The following DHCR24 variants were observed in gnomAD, a reference collection of about 807,000 sequenced individuals.
DHCR24 encodes 24-dehydrocholesterol reductase, also known as delta(24)-sterol reductase.
Under a neutral mutation model 61.2 loss-of-function variants are expected in DHCR24, and 28 were observed. The observed-to-expected ratio is 0.46, with a 90% CI of 0.34 to 0.63. The LOEUF (loss-of-function observed/expected upper bound fraction) is 0.63, where lower values mean the gene tolerates loss of function less well. DHCR24 is among the 20% of genes least tolerant of loss of function. The pLI is 0.01. For missense variants in DHCR24, 538 were observed against 679.1 expected, an observed-to-expected ratio of 0.79 and a Z score of 2.31; for synonymous variants, 261 against 275.9, an observed-to-expected ratio of 0.95 and a Z score of 0.54.
chr1:54,877,794 T>C (rs895919748), intron 2 of DHCR24, among the ~76,000 whole-genome samples: 2 of 151,890 alleles, frequency 1.3e-5, no homozygotes, highest in Admixed American at 1.3e-4. Context: ...GTGGATCACC[T>C]GAGGTCAGGA....
chr1:54,849,945 CT>C lies in DHCR24; in HGVS notation c.*2287del, dbSNP rs1284166477. 1 of 152,700 alleles carries C rather than the reference CT, an allele frequency of 6.5e-6. No individual in the cohort carries two copies. The highest frequency in any genetic ancestry group is 2.4e-5 in the African/African-American group (1 of 41,580). The allele number at this position is 152,700 out of a possible 1,614,324, so 9.5% of individuals were successfully genotyped here. On this transcript the variant is annotated 3_prime_UTR_variant, in exon 9 of 9. Coordinates refer to ENST00000371269, the MANE Select transcript of DHCR24 (RefSeq NM_014762.4). ...GGGCTCTGGAGGGGAGAGCCTTACTCTGATACTTTCCACATGCACTGCCCAC... is the reference window on the plus strand; with the variant it reads ...GGGCTCTGGAGGGGAGAGCCTTACTCGATACTTTCCACATGCACTGCCCAC...
At position 54,883,781 on chromosome 1, in the gene DHCR24, C is replaced by A. The variant is rs1647077201; in HGVS notation, c.232-8G>T. ...CTCCTTCCATTCCCGCACCTGCAAC[C>A]ACAGGACAGAGGGTGAGCTGGCCCC... On this transcript the variant is annotated splice_region_variant and splice_polypyrimidine_tract_variant and intron_variant, in intron 1 of 8. Transcript: ENST00000371269. This position sits in a 1 kb window ranked among gnomAD's most constrained non-coding sequence, Gnocchi z 4.3. 1 of 1,613,934 alleles carries A rather than the reference C, an allele frequency of 6.2e-7. No individual in the cohort carries two copies.
In DHCR24 at chr1:54,854,030, C is replaced by G; in HGVS notation, c.1218+7G>C. The G allele has an allele frequency of 6.2e-7, 1 of 1,610,802 alleles. No homozygotes were observed. Among genetic ancestry groups the G allele is most frequent in the Non-Finnish European group, 8.5e-7 (1 of 1,179,006 alleles). On this transcript the variant is annotated splice_region_variant and intron_variant, in intron 7 of 8. Coordinates refer to ENST00000371269, the MANE Select transcript of DHCR24 (RefSeq NM_014762.4). ...CTGGTGCGCCCTCCCTGCCCTGCCC[C>G]ACTCACGTGGATGTCGTTTTGGAAG...
At chr1:54,872,743 C>T (rs149796574) in intron 4 of DHCR24, among the ~76,000 whole-genome samples, 2,353 of 152,254 alleles carry the variant, frequency 0.015, 35 homozygotes, top group Non-Finnish European at 0.022. Flanking sequence ...GGAAAGAATT[C>T]ACAAATGTCA....
chr1:54,854,166 G>A lies in DHCR24; in HGVS notation c.1089C>T (p.Ile363=). 3 of 1,614,148 alleles carry A rather than the reference G, an allele frequency of 1.9e-6. No homozygotes were observed. The highest frequency in any genetic ancestry group is 2.5e-6 in the Non-Finnish European group (3 of 1,179,994). The change falls in exon 7 of 9, where the codon ATC becomes ATT. Residue 363 remains isoleucine, a synonymous_variant. Coordinates refer to ENST00000371269, the MANE Select transcript of DHCR24 (RefSeq NM_014762.4). The part of the protein sequence containing the change: ...YLFGWMVPPK[I]SLLKLTQGET... Reference sequence around the variant, plus strand: ...CACCCTGGGTCAGCTTCAGGAGGGAGATCTTGGGAGGCACCATCCAGCCAA... The same window carrying A: ...CACCCTGGGTCAGCTTCAGGAGGGAAATCTTGGGAGGCACCATCCAGCCAA...
In DHCR24 at chr1:54,865,286, AG is replaced by A. The variant is rs1459421535; in HGVS notation, c.1020+16del. ...GCTGGCCTGGAGGAGCCAGGGCTAC[AG>A]AAACCTAAGCCTCACCTGGAGCTCC... On this transcript the variant is annotated intron_variant, in intron 6 of 8. Coordinates refer to ENST00000371269, the MANE Select transcript of DHCR24 (RefSeq NM_014762.4). 1 of 1,609,962 alleles carries A rather than the reference AG, an allele frequency of 6.2e-7. No individual in the cohort carries two copies. The highest frequency in any genetic ancestry group is 8.5e-7 in the Non-Finnish European group (1 of 1,178,286).
At chr1:54,866,955 G>A (rs939968624) in intron 5 of DHCR24, among the ~76,000 whole-genome samples, 1 of 152,238 alleles carries the variant, frequency 6.6e-6, no homozygotes, top group Non-Finnish European at 1.5e-5. Flanking sequence ...CAGGTGAGGT[G>A]TGTCACATAC....
chr1:54,852,945 C>A (rs1211118401), intron 8 of DHCR24, among the ~76,000 whole-genome samples: 1 of 152,146 alleles, frequency 6.6e-6, no homozygotes, highest in Non-Finnish European at 1.5e-5. Flanking sequence ...TGAAAGGAAT[C>A]ATATGGCATT....
chr1:54,853,975 G>A, intron 7 of DHCR24, 62 bp downstream of exon 7: 1 of 1,509,972 alleles, frequency 6.6e-7, no homozygotes, highest in Non-Finnish European at 9.0e-7. Context: ...CGGTTCAGGG[G>A]AGGAGACCAT....
intron 1 of DHCR24, chr1:54,886,609 G>A (rs1647098079): frequency 6.9e-7 from 1 of 1,457,884 alleles, no homozygotes; most frequent in Non-Finnish European, 9.1e-7. Context: ...TGGGCCGGGT[G>A]AGAGTTACCT....
chr1:54,871,490 G>A lies in DHCR24; in HGVS notation c.736C>T (p.Arg246Trp), dbSNP rs150166147. The A allele has an allele frequency of 5.7e-5, 92 of 1,614,108 alleles. No individual in the cohort carries two copies. Among genetic ancestry groups the A allele is most frequent in the Non-Finnish European group, 6.5e-5 (77 of 1,180,044 alleles). Reference protein sequence around the residue: ...KYVKLRFEPVRGLEAICAKFT... With the variant: ...KYVKLRFEPVWGLEAICAKFT... Reference sequence around the variant, plus strand: ...TTGGCACAGATAGCCTCCAGGCCCCGCACTGGCTCGAAACGCAGCTTGACG... The same window carrying A: ...TTGGCACAGATAGCCTCCAGGCCCCACACTGGCTCGAAACGCAGCTTGACG... Residue 246 changes from arginine (R) to tryptophan (W), a missense_variant, in exon 5 of 9, where the codon CGG becomes TGG. Transcript: ENST00000371269.
chr1:54,858,516 A>G lies in DHCR24; in HGVS notation c.1021-4282T>C, dbSNP rs537110417. On this transcript the variant is annotated intron_variant, in intron 6 of 8. Coordinates refer to ENST00000371269, the MANE Select transcript of DHCR24 (RefSeq NM_014762.4). The stretch of plus-strand genomic sequence containing the variant: ...ATGCAAATGTAGGCTGAACACACCT[A>G]TTCTTCCAGATTCTTCTTTTACCTG... Among the ~76,000 whole-genome samples, 11 of 152,370 alleles carry G rather than the reference A, an allele frequency of 7.2e-5. No individual in the cohort carries two copies. In the East Asian group the frequency reaches 2.1e-3, roughly 29 times the overall value.
Position 54,854,409 on chromosome 1 carries a change from G to A in DHCR24, c.1021-175C>T, listed in dbSNP as rs190965941. The stretch of plus-strand genomic sequence containing the variant: ...CTAGGACTTTACCAGTCCAATCTAG[G>A]TTTGCTTCTCAGCTCTGGCATTCGC... On this transcript the variant is annotated intron_variant, in intron 6 of 8. Transcript: ENST00000371269. 3.1e-3 allele frequency among the ~76,000 whole-genome samples: 473 copies of A among 152,324 alleles called. 1 individual carries two copies. Among genetic ancestry groups the A allele is most frequent in the Admixed American group, 8.4e-3 (128 of 15,308 alleles).
Position 54,852,402 on chromosome 1 carries a change from A to G in DHCR24, c.1398-16T>C. 1 of 1,613,706 alleles carries G rather than the reference A, an allele frequency of 6.2e-7. No homozygotes were observed. Among genetic ancestry groups the G allele is most frequent in the African/African-American group, 1.3e-5 (1 of 75,056 alleles). On this transcript the variant is annotated splice_polypyrimidine_tract_variant and intron_variant, in intron 8 of 8. Transcript: ENST00000371269. ...CATCTGGAAGCTGCAGAGGCAGAGA[A>G]GTGGGTGAGGACGCCAGGAGGCACA... is the stretch of plus-strand genomic sequence containing the variant.
intron 1 of DHCR24, among the ~76,000 whole-genome samples, chr1:54,886,007 A>AT (rs1647092676): frequency 6.6e-6 from 1 of 152,168 alleles, no homozygotes. Context: ...ATCCATCTTC[A>AT]TGCTCTTGCC....
intron 5 of DHCR24, among the ~76,000 whole-genome samples, chr1:54,870,551 T>C (rs1358754667): frequency 2.0e-5 from 3 of 152,242 alleles, no homozygotes; most frequent in African/African-American, 7.2e-5. Context: ...ATACTTTAAA[T>C]CATCTCTAGA....
At chr1:54,866,977 A>C (rs1375095619) in intron 5 of DHCR24, among the ~76,000 whole-genome samples, 1 of 152,232 alleles carries the variant, frequency 6.6e-6, no homozygotes, top group African/African-American at 2.4e-5. Context: ...TGGCAGTGGC[A>C]GCAGCTGCAT....
At chr1:54,859,116 T>C (rs1646922508) in intron 6 of DHCR24, among the ~76,000 whole-genome samples, 1 of 152,216 alleles carries the variant, frequency 6.6e-6, no homozygotes. Flanking sequence ...AGACTCTTCC[T>C]TGGTCTCTCT....
intron 8 of DHCR24, among the ~76,000 whole-genome samples, chr1:54,852,997 C>A (rs1446839196): frequency 6.6e-6 from 1 of 152,120 alleles, no homozygotes; most frequent in Non-Finnish European, 1.5e-5. Flanking sequence ...AATAGTTTAT[C>A]CAGGCTGTTT....
Sources: allele counts gnomAD v4.1 joint callset (sites outside exome capture counted in the v4.1 genomes callset), GRCh38; gene constraint gnomAD v4.1.1; non-coding constraint Gnocchi (gnomAD v3.1); transcripts MANE v1.5; gene names NCBI Gene and HGNC (gene_info 2026-07-23, HGNC 2026-07-21).